The following GATAD2A variants were observed in gnomAD, a reference collection of about 807,000 sequenced individuals.
GATAD2A encodes the protein GATA zinc finger domain containing 2A.
In GATAD2A, 12 loss-of-function variants were observed where a neutral mutation model predicts 68.5. The ratio of observed to expected loss-of-function variants is 0.18; its 90% CI spans 0.11 to 0.28. The LOEUF is 0.28. Ranked by LOEUF, GATAD2A falls within the 10% of genes least tolerant of loss-of-function variation. The pLI is 1.00. For missense variants in GATAD2A, 755 were observed against 868.5 expected, an observed-to-expected ratio of 0.87 and a Z score of 1.64; for synonymous variants, 410 against 375.3, an observed-to-expected ratio of 1.09 and a Z score of -1.07.
At chr19:19,394,076 G>A (rs1432847759) in intron 1 of GATAD2A, among the ~76,000 whole-genome samples, 1 of 151,846 alleles carries the variant, frequency 6.6e-6, no homozygotes, top group East Asian at 1.9e-4. Flanking sequence ...TAGTAGAGAT[G>A]GGGGTTTCAC....
At chr19:19,401,011 G>A (rs1203861679), upstream of GATAD2A, among the ~76,000 whole-genome samples, 1 of 151,786 alleles carries the variant, frequency 6.6e-6, no homozygotes, top group Non-Finnish European at 1.5e-5. Flanking sequence ...GTGGTAGCAC[G>A]CACCTGTCGT....
chr19:19,409,841 G>C (rs1196244606), intron 1 of GATAD2A, among the ~76,000 whole-genome samples: 1 of 152,206 alleles, frequency 6.6e-6, no homozygotes, highest in Non-Finnish European at 1.5e-5. Context: ...GAGAGTGTCA[G>C]ACCGTTGGCT....
chr19:19,469,722 G>A (rs887636547), intron 2 of GATAD2A, among the ~76,000 whole-genome samples: 1 of 152,164 alleles, frequency 6.6e-6, no homozygotes, highest in African/African-American at 2.4e-5. Flanking sequence ...CAAAGTGGGC[G>A]GATCACAAGG....
intron 2 of GATAD2A, among the ~76,000 whole-genome samples, chr19:19,490,666 G>A (rs1359513552): frequency 6.6e-6 from 1 of 152,134 alleles, no homozygotes; most frequent in Non-Finnish European, 1.5e-5. Context: ...CGGATCATCT[G>A]AGGTCAGGAG....
At chr19:19,430,309 G>C (rs2053584971) in intron 1 of GATAD2A, among the ~76,000 whole-genome samples, 1 of 152,184 alleles carries the variant, frequency 6.6e-6, no homozygotes, top group South Asian at 2.1e-4. Context: ...ATGATCTGCT[G>C]TTGCCTTGCT....
chr19:19,480,958 A>T (rs1188854015), intron 2 of GATAD2A, among the ~76,000 whole-genome samples: 13 of 152,232 alleles, frequency 8.5e-5, no homozygotes, highest in Admixed American at 1.3e-4. Flanking sequence ...TCGTTTCAGA[A>T]GCAGTGTGTG....
chr19:19,504,267 G>A (rs1366672872), intron 11 of GATAD2A, among the ~76,000 whole-genome samples: 3 of 152,178 alleles, frequency 2.0e-5, no homozygotes, highest in South Asian at 2.1e-4. Context: ...CTGGGTGGGG[G>A]CATTTATTTA....
Position 19,489,436 on chromosome 19 carries a change from C to T in GATAD2A, c.270-2870C>T, listed in dbSNP as rs185257066. On this transcript the variant is annotated intron_variant, in intron 2 of 11. Coordinates refer to ENST00000683918, the MANE Select transcript of GATAD2A (RefSeq NM_001384528.1). The stretch of plus-strand genomic sequence containing the variant: ...GGTCATGTGACCAAGGAGGGAAATG[C>T]CTTTGTCACATGACTTTTTGGTGGC... 1.9e-3 allele frequency among the ~76,000 whole-genome samples: 290 copies of T among 152,356 alleles called. 1 individual carries two copies. The highest frequency in any genetic ancestry group is 6.8e-3 in the African/African-American group (282 of 41,584).
intron 8 of GATAD2A, 141 bp downstream of exon 8, chr19:19,498,863 C>A: frequency 1.5e-6 from 1 of 675,436 alleles, no homozygotes; most frequent in East Asian, 2.6e-5. Flanking sequence ...GCAGGGACAC[C>A]GTCAGTGCCA....
intron 1 of GATAD2A, among the ~76,000 whole-genome samples, chr19:19,416,294 A>G (rs896180541): frequency 6.6e-6 from 1 of 152,178 alleles, no homozygotes; most frequent in South Asian, 2.1e-4. Flanking sequence ...TAACACTGCC[A>G]AGGATGCTGG....
At chr19:19,435,067 C>T (rs543697853) in intron 1 of GATAD2A, 11 of 531,154 alleles carry the variant, frequency 2.1e-5, no homozygotes, top group South Asian at 1.5e-4. Context: ...TGCTCTGTGA[C>T]CCTGGGCAAG....
chr19:19,482,908 C>A (rs987211280), intron 2 of GATAD2A, among the ~76,000 whole-genome samples: 1 of 152,102 alleles, frequency 6.6e-6, no homozygotes, highest in African/African-American at 2.4e-5. Context: ...GCTGCTGGCC[C>A]ACATGAGCAT....
intron 1 of GATAD2A, among the ~76,000 whole-genome samples, chr19:19,439,304 A>G (rs2054718748): frequency 6.6e-6 from 1 of 152,242 alleles, no homozygotes; most frequent in African/African-American, 2.4e-5. Context: ...GTTAAGGATC[A>G]AAAAATGGGT....
chr19:19,426,535 G>A (rs2053113369), intron 1 of GATAD2A, among the ~76,000 whole-genome samples: 2 of 152,032 alleles, frequency 1.3e-5, no homozygotes, highest in Non-Finnish European at 2.9e-5. Flanking sequence ...TTTTGAGATA[G>A]AATCTTGCTC....
upstream of GATAD2A, among the ~76,000 whole-genome samples, chr19:19,404,501 A>G (rs1471604340): frequency 1.3e-5 from 2 of 152,042 alleles, no homozygotes; most frequent in Non-Finnish European, 2.9e-5. Flanking sequence ...CAAGATGGTG[A>G]AACCCCGTCT....
chr19:19,422,847 G>A (rs1600084227), intron 1 of GATAD2A, among the ~76,000 whole-genome samples: 1 of 151,872 alleles, frequency 6.6e-6, no homozygotes, highest in Non-Finnish European at 1.5e-5. Flanking sequence ...AAGTAGCTGG[G>A]ACTACAGGCG....
At chr19:19,439,624 G>T (rs2054759925) in intron 1 of GATAD2A, among the ~76,000 whole-genome samples, 1 of 152,090 alleles carries the variant, frequency 6.6e-6, no homozygotes, top group East Asian at 1.9e-4. Context: ...GAAGCGGGTG[G>T]GTCATTTGAG....
chr19:19,438,549 C>G (rs1025802247), intron 1 of GATAD2A, among the ~76,000 whole-genome samples: 1 of 152,226 alleles, frequency 6.6e-6, no homozygotes, highest in Non-Finnish European at 1.5e-5. Flanking sequence ...GGCTGGGTAC[C>G]CACCCCTCTG....
At chr19:19,436,943 C>A (rs1011031484) in intron 1 of GATAD2A, among the ~76,000 whole-genome samples, 1 of 152,168 alleles carries the variant, frequency 6.6e-6, no homozygotes, top group African/African-American at 2.4e-5. Flanking sequence ...CAGGATCTTG[C>A]CGGTCACGCA....
Sources: allele counts gnomAD v4.1 joint callset (sites outside exome capture counted in the v4.1 genomes callset), GRCh38; gene constraint gnomAD v4.1.1; transcripts MANE v1.5; gene names NCBI Gene and HGNC (gene_info 2026-07-23, HGNC 2026-07-21).